The following PPP6R2 variants were observed in gnomAD, a reference collection of about 807,000 sequenced individuals.
The protein encoded by PPP6R2 is protein phosphatase 6 regulatory subunit 2.
In PPP6R2, 62 loss-of-function variants were observed where a neutral mutation model predicts 100.2. The observed-to-expected ratio is 0.62, with a 90% CI of 0.50 to 0.76. The LOEUF is 0.76. Among genes scored for constraint, PPP6R2 ranks in the 30% least tolerant of loss-of-function variants. PPP6R2 has a pLI of 0.00. For synonymous variants in PPP6R2, 525 were observed against 514.7 expected (o/e 1.02, Z -0.27); for missense variants, 1,142 against 1,276.3 (o/e 0.89, Z 1.60).
At chr22:50,416,245 G>GACTT in intron 6 of PPP6R2, 88 bp downstream of exon 6, 2 of 1,203,114 alleles carry the variant, frequency 1.7e-6, no homozygotes, top group Non-Finnish European at 2.4e-6. Context: ...GGCGAGGGAG[G>GACTT]GCAAGTCATC....
In PPP6R2 at chr22:50,444,479, C is replaced by A. The variant is rs145471981; in HGVS notation, c.*232C>A. On this transcript the variant is annotated 3_prime_UTR_variant, in exon 24 of 24. Transcript: ENST00000612753. ...CTGGAGGACAGAGGGGCACCTCAGC[C>A]GCCCCCAAGCCCAGAGCACAGCAAT... The A allele has an allele frequency of 9.4e-6, 5 of 531,570 alleles. No individual in the cohort carries two copies. In the African/African-American group the frequency reaches 9.9e-5, roughly 11 times the overall value. 32.9% of individuals were successfully genotyped at this position (531,570 alleles called of 1,614,324 possible).
upstream of PPP6R2, among the ~76,000 whole-genome samples, chr22:50,339,360 G>T: frequency 7.5e-6 from 1 of 132,936 alleles, no homozygotes; most frequent in African/African-American, 2.9e-5. Context: ...GTGGTATGTG[G>T]TGTGTGTGGC....
At chr22:50,337,149 AGTGT>A in the PPP6R2 span, among the ~76,000 whole-genome samples, 7 of 142,210 alleles carry the variant, frequency 4.9e-5, no homozygotes, top group Non-Finnish European at 9.2e-5. Context: ...CTGTGTGTAC[AGTGT>A]GTGTGTGCGA....
chr22:50,437,619 G>A lies in PPP6R2; in HGVS notation c.1781+16G>A, dbSNP rs778261124. 9.5e-6 allele frequency: 15 copies of A among 1,582,748 alleles called. No individual in the cohort carries two copies. Among genetic ancestry groups the A allele is most frequent in the African/African-American group, 1.3e-5 (1 of 74,258 alleles). ...ACAACATCAAGTGAGTCTACTTGGA[G>A]CGCACTCTGCACGAGGCGCGGCTCT... On this transcript the variant is annotated intron_variant, in intron 16 of 23. Transcript: ENST00000612753.
chr22:50,404,512 C>T (rs1001391679), intron 3 of PPP6R2, among the ~76,000 whole-genome samples: 17 of 151,966 alleles, frequency 1.1e-4, no homozygotes, highest in African/African-American at 3.9e-4. Context: ...GCCTCCCGGG[C>T]TCAAGCCATC....
chr22:50,386,996 G>A (rs2054382944), intron 2 of PPP6R2, among the ~76,000 whole-genome samples: 1 of 152,146 alleles, frequency 6.6e-6, no homozygotes, highest in South Asian at 2.1e-4. Context: ...GCTCTTCCGC[G>A]GTACCTTACT....
At chr22:50,392,364 C>CG (rs1476930393) in intron 2 of PPP6R2, among the ~76,000 whole-genome samples, 1 of 151,692 alleles carries the variant, frequency 6.6e-6, no homozygotes, top group African/African-American at 2.4e-5. Context: ...AAAAACCCAC[C>CG]CCAAAATCAA....
At chr22:50,390,645 G>A (rs1399648078) in intron 2 of PPP6R2, among the ~76,000 whole-genome samples, 1 of 151,718 alleles carries the variant, frequency 6.6e-6, no homozygotes, top group African/African-American at 2.4e-5. Flanking sequence ...GGCAATGAGA[G>A]TGAAACTCCG....
intron 1 of PPP6R2, among the ~76,000 whole-genome samples, chr22:50,369,805 C>T (rs2049619366): frequency 1.3e-5 from 2 of 151,934 alleles, no homozygotes; most frequent in African/African-American, 4.8e-5. Context: ...CGCGCCTGAC[C>T]TTTCACTGCA....
At chr22:50,418,012 T>C (rs1248644108) in intron 6 of PPP6R2, among the ~76,000 whole-genome samples, 1 of 152,236 alleles carries the variant, frequency 6.6e-6, no homozygotes, top group Admixed American at 6.5e-5. Context: ...TGCGTGTTAA[T>C]GTTTCCCTAG....
chr22:50,439,965 G>C lies in PPP6R2; in HGVS notation c.2290G>C (p.Glu764Gln). 6 of 1,613,516 alleles carry C rather than the reference G, an allele frequency of 3.7e-6. No homozygotes were observed. Among genetic ancestry groups the C allele is most frequent in the Non-Finnish European group, 5.1e-6 (6 of 1,179,878 alleles). ...FTDFQPFCCS[E>Q]SGPRCSSPVD... is the part of the protein sequence containing the mutation. ...TGTCCTCGTCCTTGTATGCAGCTCC[G>C]AGTCAGGGCCCAGGTGCAGCTCTCC... The change falls in exon 21 of 24, where the codon GAG becomes CAG. Residue 764 changes from glutamate (E) to glutamine (Q), a missense_variant. Transcript: ENST00000612753.
chr22:50,405,984 G>C, intron 3 of PPP6R2, among the ~76,000 whole-genome samples: 1 of 148,040 alleles, frequency 6.8e-6, no homozygotes, highest in East Asian at 2.1e-4. Flanking sequence ...GGCCTGGAGA[G>C]AAGTGAGAGA....
intron 3 of PPP6R2, among the ~76,000 whole-genome samples, chr22:50,404,352 C>G (rs1322204595): frequency 6.6e-6 from 1 of 151,984 alleles, no homozygotes; most frequent in Non-Finnish European, 1.5e-5. Flanking sequence ...GCCTCGGCCT[C>G]TCAAAGTGCT....
chr22:50,376,968 A>G (rs1356046964), intron 2 of PPP6R2, among the ~76,000 whole-genome samples: 3 of 152,120 alleles, frequency 2.0e-5, no homozygotes, highest in Non-Finnish European at 4.4e-5. Flanking sequence ...CGGAGCTTGC[A>G]GTGAGCCAAG....
intron 3 of PPP6R2, among the ~76,000 whole-genome samples, chr22:50,395,389 G>A (rs1038079046): frequency 1.3e-5 from 2 of 152,072 alleles, no homozygotes; most frequent in Non-Finnish European, 2.9e-5. Flanking sequence ...AGAACAGGGC[G>A]GAGCTGGCCT....
At chr22:50,414,341 C>T (rs534167290) in intron 4 of PPP6R2, among the ~76,000 whole-genome samples, 2 of 62,002 alleles carry the variant, frequency 3.2e-5, no homozygotes, top group Non-Finnish European at 5.3e-5. Context: ...GCCCCCCCCC[C>T]CCCCCCCCCG....
At chr22:50,388,562 C>G (rs2054746439) in intron 2 of PPP6R2, among the ~76,000 whole-genome samples, 1 of 151,992 alleles carries the variant, frequency 6.6e-6, no homozygotes, top group Non-Finnish European at 1.5e-5. Flanking sequence ...AGGACCCTGT[C>G]TCAAAAATAC....
chr22:50,335,678 ATT>A, the PPP6R2 span, among the ~76,000 whole-genome samples: 5 of 128,944 alleles, frequency 3.9e-5, no homozygotes, highest in Admixed American at 7.8e-5. Context: ...CACCCAACTA[ATT>A]TTTTTTTTTT....
chr22:50,434,059 C>T lies in PPP6R2; in HGVS notation c.1401-907C>T, dbSNP rs1469219374. Among the ~76,000 whole-genome samples, 297 of 55,610 alleles carry T rather than the reference C, an allele frequency of 5.3e-3. 4 individuals are homozygous for T. Among genetic ancestry groups the T allele is most frequent in the Non-Finnish European group, 7.6e-3 (214 of 28,308 alleles). The allele number at this position is 55,610 out of a possible 152,430, so 36.5% of individuals were successfully genotyped here. ...GGGGGCGCGGACGCTGGGCAGGGGC[C>T]GGGCATTTGCCCTGGAGGTGAACCT... On this transcript the variant is annotated intron_variant, in intron 12 of 23. Coordinates refer to ENST00000612753, the MANE Select transcript of PPP6R2 (RefSeq NM_001242898.2).
Sources: gnomAD v4.1 joint callset for allele counts (sites outside exome capture counted in the v4.1 genomes callset) on GRCh38, gnomAD v4.1.1 for gene constraint, MANE v1.5 for transcripts, NCBI Gene and HGNC (gene_info 2026-07-23, HGNC 2026-07-21) for gene names.